The following KIAA1217 variants were observed in gnomAD, a reference collection of about 807,000 sequenced individuals.
KIAA1217 encodes KIAA1217.
In KIAA1217, 88 loss-of-function variants were observed where a neutral mutation model predicts 163.9. The ratio of observed to expected loss-of-function variants is 0.54; its 90% CI spans 0.45 to 0.64. KIAA1217 has a LOEUF of 0.64. KIAA1217 is among the 30% of genes least tolerant of loss of function. The pLI is 0.00. For missense variants in KIAA1217, 2,372 were observed against 2,475.0 expected (o/e 0.96, Z 0.88); for synonymous variants, 903 against 923.1 (o/e 0.98, Z 0.39).
chr10:24,365,059 C>G (rs967382523), intron 2 of KIAA1217, among the ~76,000 whole-genome samples: 8 of 152,182 alleles, frequency 5.3e-5, no homozygotes, highest in African/African-American at 1.9e-4. Flanking sequence ...CCTGTCTCAG[C>G]CTCCCAAAGT....
intron 3 of KIAA1217, among the ~76,000 whole-genome samples, chr10:24,405,432 C>A (rs1338460698): frequency 1.3e-5 from 2 of 151,908 alleles, no homozygotes; most frequent in Non-Finnish European, 2.9e-5. Flanking sequence ...GAGCATAAAT[C>A]CTAATAAATC....
chr10:23,847,295 G>T (rs1460127060), intron 1 of KIAA1217, among the ~76,000 whole-genome samples: 7 of 152,114 alleles, frequency 4.6e-5, no homozygotes, highest in Non-Finnish European at 1.0e-4. Flanking sequence ...GATTGGAATA[G>T]TTTCAGAAGA....
intron 4 of KIAA1217, among the ~76,000 whole-genome samples, chr10:24,434,231 G>A (rs1432718663): frequency 6.6e-6 from 1 of 151,808 alleles, no homozygotes; most frequent in Non-Finnish European, 1.5e-5. Context: ...TAGGTACGGG[G>A]TTTTACCACG....
chr10:24,313,345 G>T (rs532189034), intron 2 of KIAA1217, among the ~76,000 whole-genome samples: 1 of 152,202 alleles, frequency 6.6e-6, no homozygotes, highest in Non-Finnish European at 1.5e-5. Context: ...ACGTGACAAA[G>T]TGCTCTTACT....
intron 1 of KIAA1217, among the ~76,000 whole-genome samples, chr10:23,893,133 G>C (rs529038031): frequency 6.6e-6 from 1 of 151,976 alleles, no homozygotes. Context: ...GACTCTATTT[G>C]GTTGGTAAGC....
At chr10:23,720,526 G>A (rs536358559) in intron 1 of KIAA1217, among the ~76,000 whole-genome samples, 34 of 152,176 alleles carry the variant, frequency 2.2e-4, no homozygotes, top group East Asian at 5.8e-4. Flanking sequence ...TAGAATGAAC[G>A]AGGGTTTGGG....
At chr10:24,163,447 G>A (rs114159901) in intron 2 of KIAA1217, among the ~76,000 whole-genome samples, 3,510 of 152,178 alleles carry the variant, frequency 0.023, 52 homozygotes, top group South Asian at 0.033. Context: ...GCCATTTCAG[G>A]CATGAAAGTT....
Position 24,410,145 on chromosome 10 carries a change from C to T in KIAA1217, c.554-22850C>T, listed in dbSNP as rs182194831. The stretch of plus-strand genomic sequence containing the variant: ...CTGAGTAGCTGCAATTACAGGCACC[C>T]GCCACCACGCCCAGCTAATTTTGTA... On this transcript the variant is annotated intron_variant, in intron 3 of 20. Coordinates refer to ENST00000376454, the MANE Select transcript of KIAA1217 (RefSeq NM_019590.5). 2.2e-3 allele frequency among the ~76,000 whole-genome samples: 328 copies of T among 151,792 alleles called. 4 individuals carry two copies. The East Asian group carries it at 0.046, about 21-fold the overall frequency.
At chr10:23,949,990 T>C (rs568879972) in intron 1 of KIAA1217, among the ~76,000 whole-genome samples, 2 of 152,182 alleles carry the variant, frequency 1.3e-5, no homozygotes, top group Non-Finnish European at 2.9e-5. Context: ...TCCTGTGAGG[T>C]AGATGATTTT....
chr10:23,821,784 T>C (rs1837630826), intron 1 of KIAA1217, among the ~76,000 whole-genome samples: 1 of 152,206 alleles, frequency 6.6e-6, no homozygotes, highest in African/African-American at 2.4e-5. Context: ...GGGAGGCCTG[T>C]TTACCTGAGG....
chr10:24,099,759 TC>T (rs1203729915), intron 2 of KIAA1217, among the ~76,000 whole-genome samples: 1 of 88,932 alleles, frequency 1.1e-5, no homozygotes, highest in African/African-American at 4.4e-5. Flanking sequence ...CCCACAACAG[TC>T]CCCGGTGTGT....
chr10:24,469,623 A>G (rs1444199870), intron 5 of KIAA1217, among the ~76,000 whole-genome samples: 2 of 151,958 alleles, frequency 1.3e-5, no homozygotes, highest in East Asian at 3.9e-4. Flanking sequence ...TGATTGATTG[A>G]TTGATTGAGA....
At chr10:24,189,098 T>C (rs1434191828) in intron 2 of KIAA1217, among the ~76,000 whole-genome samples, 1 of 135,142 alleles carries the variant, frequency 7.4e-6, no homozygotes, top group East Asian at 2.0e-4. Flanking sequence ...AGAGCGAGAC[T>C]CTGTCTCAAA....
intron 2 of KIAA1217, among the ~76,000 whole-genome samples, chr10:24,244,341 C>T (rs147586171): frequency 1.1e-4 from 16 of 152,134 alleles, no homozygotes; most frequent in South Asian, 8.3e-4. Context: ...CCCTTTTCAT[C>T]GCTATTTATT....
At chr10:24,259,095 A>T (rs1441053866) in intron 2 of KIAA1217, among the ~76,000 whole-genome samples, 1 of 152,108 alleles carries the variant, frequency 6.6e-6, no homozygotes, top group East Asian at 1.9e-4. Context: ...TTCCAGCGAA[A>T]ATCAGCATTG....
intron 2 of KIAA1217, among the ~76,000 whole-genome samples, chr10:24,085,583 T>G (rs113759471): frequency 6.6e-6 from 1 of 151,960 alleles, no homozygotes; most frequent in African/African-American, 2.4e-5. Flanking sequence ...TGCCCAGGAA[T>G]AGCCTGGAAA....
chr10:23,986,752 C>T (rs1205816780), intron 1 of KIAA1217, among the ~76,000 whole-genome samples: 2 of 152,178 alleles, frequency 1.3e-5, no homozygotes, highest in African/African-American at 4.8e-5. Context: ...AGAAAGTCTT[C>T]CTTTGAAAAT....
At chr10:24,161,717 TC>T (rs2131887259) in intron 2 of KIAA1217, among the ~76,000 whole-genome samples, 1 of 152,316 alleles carries the variant, frequency 6.6e-6, no homozygotes, top group South Asian at 2.1e-4. Flanking sequence ...CACACCAGCC[TC>T]TCAGGCACTG....
Position 24,295,607 on chromosome 10 carries a change from A to T in KIAA1217, c.354+75698A>T, listed in dbSNP as rs537601679. Among the ~76,000 whole-genome samples, 7 of 152,208 alleles carry T rather than the reference A, an allele frequency of 4.6e-5. No homozygotes were observed. In the East Asian group the frequency reaches 1.4e-3, roughly 29 times the overall value. Reference sequence around the variant, plus strand: ...CCCGGGTGCTTCCCCAGTTGTTCTCAGGCCAATTTCTCAGGCCCCTGTTTC... The same window carrying T: ...CCCGGGTGCTTCCCCAGTTGTTCTCTGGCCAATTTCTCAGGCCCCTGTTTC... On this transcript the variant is annotated intron_variant, in intron 2 of 20. Transcript: ENST00000376454.
Sources: gnomAD v4.1 joint callset for allele counts (sites outside exome capture counted in the v4.1 genomes callset) on GRCh38, gnomAD v4.1.1 for gene constraint, MANE v1.5 for transcripts, NCBI Gene and HGNC (gene_info 2026-07-23, HGNC 2026-07-21) for gene names.